The following NSMCE2 variants were observed in gnomAD, a reference collection of about 807,000 sequenced individuals.
The protein encoded by NSMCE2 is E3 SUMO-protein ligase NSE2.
In NSMCE2, 24 loss-of-function variants were observed where a neutral mutation model predicts 23.8. That is an observed-to-expected ratio of 1.01 (90% confidence interval 0.73 to 1.42). The LOEUF (loss-of-function observed/expected upper bound fraction) is 1.42, where lower values mean the gene tolerates loss of function less well. Ranked by LOEUF, NSMCE2 falls within the 40% of genes most tolerant of loss-of-function variation. The pLI, the probability that NSMCE2 is intolerant of heterozygous loss-of-function variation, is 0.00. For missense variants in NSMCE2, 284 were observed against 296.5 expected, an observed-to-expected ratio of 0.96 and a Z score of 0.31; for synonymous variants, 92 against 94.1, an observed-to-expected ratio of 0.98 and a Z score of 0.13.
At chr8:125,197,985 CTCTG>C (rs1255891522) in intron 5 of NSMCE2, among the ~76,000 whole-genome samples, 2 of 151,628 alleles carry the variant, frequency 1.3e-5, no homozygotes, top group African/African-American at 2.4e-5. Flanking sequence ...TGATTTGGGT[CTCTG>C]TCTGTTATTG....
chr8:125,117,682 A>AT (rs1034966667), intron 3 of NSMCE2, among the ~76,000 whole-genome samples: 4 of 151,966 alleles, frequency 2.6e-5, no homozygotes, highest in African/African-American at 4.8e-5. Flanking sequence ...TCCCCAGCTA[A>AT]TTTTTTTATT....
intron 5 of NSMCE2, among the ~76,000 whole-genome samples, chr8:125,313,468 A>G (rs767649178): frequency 3.7e-4 from 56 of 152,224 alleles, no homozygotes; most frequent in Middle Eastern, 6.3e-3. Context: ...AAGGATCTGT[A>G]TGCCAAATCT....
At chr8:125,311,942 C>T (rs1331637005) in intron 5 of NSMCE2, among the ~76,000 whole-genome samples, 1 of 151,832 alleles carries the variant, frequency 6.6e-6, no homozygotes, top group Admixed American at 6.6e-5. Context: ...GTGGCGCATG[C>T]CTGTAATCCC....
At chr8:125,179,421 T>C (rs993326010) in intron 4 of NSMCE2, among the ~76,000 whole-genome samples, 1 of 152,052 alleles carries the variant, frequency 6.6e-6, no homozygotes, top group Non-Finnish European at 1.5e-5. Context: ...AGCCACTCAA[T>C]TTTTTTTCCT....
chr8:125,215,037 TTTTATTTA>T (rs1246307435), intron 5 of NSMCE2, among the ~76,000 whole-genome samples: 43 of 107,052 alleles, frequency 4.0e-4, no homozygotes, highest in Non-Finnish European at 4.6e-4. Context: ...TTTTATTTTA[TTTTATTTA>T]TTATTATTAT....
intron 5 of NSMCE2, among the ~76,000 whole-genome samples, chr8:125,259,422 C>A (rs921270138): frequency 1.8e-4 from 28 of 152,098 alleles, no homozygotes; most frequent in Admixed American, 3.9e-4. Flanking sequence ...AAGCATGAGC[C>A]CTATTGGTTG....
intron 5 of NSMCE2, among the ~76,000 whole-genome samples, chr8:125,273,655 A>C (rs933846879): frequency 4.6e-5 from 7 of 152,176 alleles, no homozygotes; most frequent in Non-Finnish European, 8.8e-5. Flanking sequence ...TTCTTTATTT[A>C]TACTACACTA....
intron 5 of NSMCE2, among the ~76,000 whole-genome samples, chr8:125,346,961 T>G (rs544094224): frequency 5.9e-5 from 9 of 152,290 alleles, no homozygotes; most frequent in African/African-American, 2.2e-4. Flanking sequence ...TGGAGGAAAC[T>G]CTTCATTCAG....
chr8:125,135,662 A>G (rs76354357), intron 3 of NSMCE2, among the ~76,000 whole-genome samples: 1 of 151,890 alleles, frequency 6.6e-6, no homozygotes. Flanking sequence ...TTTGTTGCTG[A>G]AGACTGTTTT....
At position 125,256,922 on chromosome 8, in the gene NSMCE2, C is replaced by CAAAAAAAAAA. The variant is rs60308659; in HGVS notation, c.418+74694_418+74703dup. 5.4e-4 allele frequency among the ~76,000 whole-genome samples: 14 copies of CAAAAAAAAAA among 26,064 alleles called. 2 individuals are homozygous for CAAAAAAAAAA. Among genetic ancestry groups the CAAAAAAAAAA allele is most frequent in the African/African-American group, 9.9e-4 (9 of 9,088 alleles). The allele number at this position is 26,064 out of a possible 152,430, so 17.1% of individuals were successfully genotyped here. On this transcript the variant is annotated intron_variant, in intron 5 of 7. Coordinates refer to ENST00000287437, the MANE Select transcript of NSMCE2 (RefSeq NM_173685.4). Reference sequence around the variant, plus strand: ...TGGGCGACAAAGCAAGACTCTGTGTCAAAAAAAAAAAAAAAAAAAAAAAAA... The same window carrying CAAAAAAAAAA: ...TGGGCGACAAAGCAAGACTCTGTGTCAAAAAAAAAAAAAAAAAAAAAAAAAAAAAAAAAAA...
chr8:125,220,463 A>T (rs1344835094), intron 5 of NSMCE2, among the ~76,000 whole-genome samples: 2 of 152,136 alleles, frequency 1.3e-5, no homozygotes, highest in Non-Finnish European at 2.9e-5. Context: ...AGCCTAACCT[A>T]ATTCTTGATA....
At chr8:125,279,154 T>C (rs1469007803) in intron 5 of NSMCE2, among the ~76,000 whole-genome samples, 1 of 152,232 alleles carries the variant, frequency 6.6e-6, no homozygotes, top group Admixed American at 6.5e-5. Flanking sequence ...CATTCCACTC[T>C]TATTACAAAG....
chr8:125,348,873 T>C (rs1812903485), intron 5 of NSMCE2: 1 of 152,114 alleles, frequency 6.6e-6, no homozygotes, highest in Non-Finnish European at 1.5e-5. Context: ...GAACCTAGGA[T>C]TCAGCTTCCT....
intron 5 of NSMCE2, among the ~76,000 whole-genome samples, chr8:125,209,010 C>G (rs1290043061): frequency 1.3e-5 from 2 of 152,070 alleles, no homozygotes; most frequent in African/African-American, 4.8e-5. Context: ...TGGGGTCTTG[C>G]TGTGTTGCCC....
chr8:125,245,851 C>G (rs1156562035), intron 5 of NSMCE2, among the ~76,000 whole-genome samples: 2 of 152,046 alleles, frequency 1.3e-5, no homozygotes, highest in Non-Finnish European at 2.9e-5. Context: ...CATGGTGAAA[C>G]CTCGTCTCTA....
At chr8:125,252,852 C>G (rs994955458) in intron 5 of NSMCE2, among the ~76,000 whole-genome samples, 1 of 152,348 alleles carries the variant, frequency 6.6e-6, no homozygotes, top group East Asian at 1.9e-4. Flanking sequence ...GAGTTAAGAG[C>G]GCAAGCTCCG....
chr8:125,211,500 G>A (rs1824343180), intron 5 of NSMCE2, among the ~76,000 whole-genome samples: 1 of 152,110 alleles, frequency 6.6e-6, no homozygotes, highest in Admixed American at 6.5e-5. Context: ...CCTGATGGTG[G>A]GCTTAGTAGT....
intron 5 of NSMCE2, among the ~76,000 whole-genome samples, chr8:125,310,596 T>C (rs1222420998): frequency 6.6e-6 from 1 of 151,134 alleles, no homozygotes; most frequent in Admixed American, 6.6e-5. Flanking sequence ...TTAAGCCCCC[T>C]TTTTTTTTGT....
intron 5 of NSMCE2, among the ~76,000 whole-genome samples, chr8:125,208,857 G>A (rs1824215940): frequency 6.6e-6 from 1 of 152,202 alleles, no homozygotes; most frequent in South Asian, 2.1e-4. Flanking sequence ...CAAGTGGCAA[G>A]TATTAAAGAG....
Sources: gnomAD v4.1 joint callset for allele counts (sites outside exome capture counted in the v4.1 genomes callset) on GRCh38, gnomAD v4.1.1 for gene constraint, MANE v1.5 for transcripts, NCBI Gene and HGNC (gene_info 2026-07-23, HGNC 2026-07-21) for gene names.